Variants in ARHGEF7 observed in about 807,000 individuals in gnomAD.
ARHGEF7 encodes the protein PAK-interacting exchange factor beta.
ARHGEF7 carries 33 observed loss-of-function variants against 109.8 expected under a neutral mutation model. That is an observed-to-expected ratio of 0.30 (90% CI 0.23 to 0.40). The LOEUF (loss-of-function observed/expected upper bound fraction) is 0.40, where lower values mean the gene tolerates loss of function less well. Among genes scored for constraint, ARHGEF7 ranks in the 10% least tolerant of loss-of-function variants. ARHGEF7 has a pLI of 1.00. For missense variants in ARHGEF7, 938 were observed against 1,098.5 expected (o/e 0.85, Z 2.07); for synonymous variants, 458 against 424.6 (o/e 1.08, Z -0.97).
At position 111,206,982 on chromosome 13, in the gene ARHGEF7, G is replaced by T. The variant is rs866805572; in HGVS notation, c.337+1609G>T. On this transcript the variant is annotated intron_variant, in intron 3 of 21. Transcript: ENST00000646102. ...ATCTAAAAAAAAAAAAAAAGAAAAA[G>T]AAAAAAAAAGAAAATCACTTATCTA... is the stretch of plus-strand genomic sequence containing the variant. Among the ~76,000 whole-genome samples, 5 of 128,732 alleles carry T rather than the reference G, an allele frequency of 3.9e-5. No individual in the cohort carries two copies. The South Asian group carries it at 1.0e-3, about 26-fold the overall frequency. 84.5% of individuals were successfully genotyped at this position (128,732 alleles called of 152,430 possible).
At chr13:111,206,025 G>T (rs2081790178) in intron 3 of ARHGEF7, among the ~76,000 whole-genome samples, 1 of 152,154 alleles carries the variant, frequency 6.6e-6, no homozygotes, top group Non-Finnish European at 1.5e-5. Context: ...TGAGCCCTGA[G>T]GAGCTCTTTC....
chr13:111,216,284 G>T (rs369900341), intron 4 of ARHGEF7, among the ~76,000 whole-genome samples: 4 of 152,198 alleles, frequency 2.6e-5, no homozygotes, highest in African/African-American at 7.2e-5. Context: ...GGATGGGGGG[G>T]TGATGATTGG....
intron 8 of ARHGEF7, among the ~76,000 whole-genome samples, chr13:111,253,081 G>C (rs2089980522): frequency 1.3e-5 from 2 of 152,364 alleles, no homozygotes; most frequent in South Asian, 4.1e-4. Flanking sequence ...GCCTCACTTT[G>C]GGACAAGAAA....
chr13:111,265,450 A>G (rs909888284), intron 8 of ARHGEF7: 5 of 394,320 alleles, frequency 1.3e-5, no homozygotes, highest in Admixed American at 2.8e-5. Context: ...AATACTTGTG[A>G]CTTGCTGATT....
intron 15 of ARHGEF7, 130 bp downstream of exon 15, chr13:111,280,807 C>A: frequency 9.4e-7 from 1 of 1,062,982 alleles, no homozygotes; most frequent in Non-Finnish European, 1.3e-6. Context: ...ACTTGCTTCA[C>A]ATTTCTCTGC....
chr13:111,192,458 G>A (rs142647580), intron 2 of ARHGEF7, among the ~76,000 whole-genome samples: 89 of 152,322 alleles, frequency 5.8e-4, no homozygotes, highest in African/African-American at 2.0e-3. Context: ...TGACGAAGTT[G>A]GCCGTTTCCT....
chr13:111,211,708 G>A lies in ARHGEF7; in HGVS notation c.468+1706G>A, dbSNP rs540328310. Among the ~76,000 whole-genome samples, 5 of 152,260 alleles carry A rather than the reference G, an allele frequency of 3.3e-5. No homozygotes were observed. The South Asian group carries it at 1.0e-3, about 32-fold the overall frequency. On this transcript the variant is annotated intron_variant, in intron 4 of 21. Coordinates refer to ENST00000646102, the MANE Select transcript of ARHGEF7 (RefSeq NM_001354046.2). ...CTTTACCCTTAGGTTTTTCTGTGTA[G>A]TTTATCGATAGCACTTTGTAGTAGT...
At chr13:111,159,127 A>T in intron 2 of ARHGEF7, 1 of 715,802 alleles carries the variant, frequency 1.4e-6, no homozygotes, top group South Asian at 1.5e-5. Context: ...TATAGGTGAG[A>T]TCGTGCAGTA....
intron 5 of ARHGEF7, among the ~76,000 whole-genome samples, chr13:111,221,749 G>GTTCTGTCCCTCTATTAC (rs1458118920): frequency 4.7e-5 from 7 of 149,678 alleles, no homozygotes; most frequent in African/African-American, 1.7e-4. Context: ...AATATTATTA[G>GTTCTGTCCCTCTATTAC]TTCTGTCCCT....
chr13:111,285,403 T>A (rs1007438172), intron 16 of ARHGEF7, among the ~76,000 whole-genome samples: 1 of 152,238 alleles, frequency 6.6e-6, no homozygotes, highest in Admixed American at 6.5e-5. Context: ...AACCAGCCTT[T>A]TTTTGATATC....
intron 3 of ARHGEF7, 58 bp from the exon 4 acceptor site, chr13:111,209,814 T>C: frequency 1.3e-6 from 2 of 1,589,980 alleles, no homozygotes; most frequent in South Asian, 1.1e-5. Context: ...GTGTGTAGTG[T>C]GGGTGCGTGG....
chr13:111,171,768 C>A (rs2077616677), intron 2 of ARHGEF7, among the ~76,000 whole-genome samples: 1 of 152,176 alleles, frequency 6.6e-6, no homozygotes, highest in Admixed American at 6.5e-5. Flanking sequence ...CCCCAAATTC[C>A]CATGTTGAAA....
Position 111,275,608 on chromosome 13 carries a change from G to A in ARHGEF7, c.1349G>A (p.Gly450Asp), listed in dbSNP as rs139599823. 1.9e-6 allele frequency: 3 copies of A among 1,614,160 alleles called. No individual in the cohort carries two copies. Among genetic ancestry groups the A allele is most frequent in the Non-Finnish European group, 2.5e-6 (3 of 1,180,026 alleles). The stretch of plus-strand genomic sequence containing the variant: ...ACGGAAGCCATCCGGAACTGGGAGG[G>A]CGATGACATTAAAACTCTGGGCAAC... Reference protein sequence around the residue: ...ILTEAIRNWEGDDIKTLGNVT... With the variant: ...ILTEAIRNWEDDDIKTLGNVT... The change falls in exon 12 of 22, where the codon GGC becomes GAC. Residue 450 changes from glycine to aspartate, a missense_variant. By Grantham distance (94) the Gly-to-Asp change is moderately conservative (BLOSUM62 -1). Coordinates refer to ENST00000646102, the MANE Select transcript of ARHGEF7 (RefSeq NM_001354046.2).
intron 8 of ARHGEF7, chr13:111,265,535 C>T (rs1041412681): frequency 1.3e-5 from 6 of 456,460 alleles, no homozygotes; most frequent in Admixed American, 1.2e-4. Context: ...TGGAGGCACA[C>T]CCAGAGACTG....
intron 13 of ARHGEF7, among the ~76,000 whole-genome samples, chr13:111,279,964 A>G (rs556623638): frequency 6.6e-6 from 1 of 152,294 alleles, no homozygotes; most frequent in South Asian, 2.1e-4. Context: ...AAAAATCATA[A>G]TGTGTGATGT....
At chr13:111,149,880 T>C (rs1200156722) in intron 1 of ARHGEF7, among the ~76,000 whole-genome samples, 4 of 152,232 alleles carry the variant, frequency 2.6e-5, no homozygotes, top group African/African-American at 9.6e-5. Flanking sequence ...ATTAAGCATT[T>C]AAAGTTTTAT....
At chr13:111,277,514 T>G (rs1470777510) in intron 12 of ARHGEF7, 73 bp from the exon 13 acceptor site, 9 of 906,442 alleles carry the variant, frequency 9.9e-6, no homozygotes, top group Non-Finnish European at 1.4e-5. Flanking sequence ...TATAAATAAG[T>G]GAAGTATTTG....
chr13:111,262,344 T>C (rs1267037645), intron 8 of ARHGEF7, among the ~76,000 whole-genome samples: 1 of 152,196 alleles, frequency 6.6e-6, no homozygotes, highest in Non-Finnish European at 1.5e-5. Flanking sequence ...GAAGCTTTGG[T>C]AGTCAACAAG....
intron 1 of ARHGEF7, among the ~76,000 whole-genome samples, chr13:111,144,938 A>G (rs1310711893): frequency 6.6e-6 from 1 of 152,142 alleles, no homozygotes; most frequent in Admixed American, 6.5e-5. Context: ...CTCCATGCCC[A>G]ATTCTCTTTC....
Sources: gnomAD v4.1 joint callset for allele counts (sites outside exome capture counted in the v4.1 genomes callset) on GRCh38, gnomAD v4.1.1 for gene constraint, MANE v1.5 for transcripts, NCBI Gene and HGNC (gene_info 2026-07-23, HGNC 2026-07-21) for gene names.